The following EXOC1 variants were observed in gnomAD, a reference collection of about 807,000 sequenced individuals.
EXOC1 encodes the protein SEC3-like 1.
In EXOC1, 67 loss-of-function variants were observed where a neutral mutation model predicts 107.7. The ratio of observed to expected loss-of-function variants is 0.62; its 90% confidence interval spans 0.51 to 0.76. The LOEUF (loss-of-function observed/expected upper bound fraction) is 0.76. EXOC1 is among the 30% of genes least tolerant of loss of function. The pLI, the probability that EXOC1 is intolerant of heterozygous loss-of-function variation, is 0.00. For synonymous variants in EXOC1, 348 were observed against 353.5 expected, an observed-to-expected ratio of 0.98 and a Z score of 0.17; for missense variants, 833 against 1,055.7, an observed-to-expected ratio of 0.79 and a Z score of 2.92.
intron 15 of EXOC1, among the ~76,000 whole-genome samples, chr4:55,895,210 C>T (rs1040281824): frequency 7.9e-5 from 12 of 152,140 alleles, no homozygotes; most frequent in African/African-American, 2.2e-4. Flanking sequence ...GATCAATAGA[C>T]AGCATTTATA....
Position 55,858,356 on chromosome 4 carries a change from C to T in EXOC1, c.33C>T (p.Asp11=). ...CAATCAAGCATGCATTACAAAGAGA[C>T]ATTTTTACACCAAATGATGAACGCC... MTAIKHALQR[D]IFTPNDERLL... is the part of the protein sequence containing the mutation. Residue 11 remains aspartate (D), a synonymous_variant, in exon 2 of 19, where the codon GAC becomes GAT. Transcript: ENST00000381295. 6.2e-7 allele frequency: 1 copy of T among 1,609,164 alleles called. No homozygotes were observed. The highest frequency in any genetic ancestry group is 8.5e-7 in the Non-Finnish European group (1 of 1,177,934).
intron 10 of EXOC1, among the ~76,000 whole-genome samples, chr4:55,884,761 T>C (rs776511969): frequency 2.0e-5 from 3 of 152,204 alleles, no homozygotes; most frequent in Non-Finnish European, 2.9e-5. Context: ...CATTTGCCTG[T>C]TGAAAGGAGC....
At chr4:55,886,806 C>G (rs936835917) in intron 10 of EXOC1, among the ~76,000 whole-genome samples, 4 of 152,156 alleles carry the variant, frequency 2.6e-5, no homozygotes, top group Non-Finnish European at 4.4e-5. Context: ...AGAATGAATG[C>G]ATCTTACAAA....
At chr4:55,902,580 C>A in intron 18 of EXOC1, 42 bp downstream of exon 18, 2 of 1,388,514 alleles carry the variant, frequency 1.4e-6, no homozygotes, top group Non-Finnish European at 1.9e-6. Context: ...AAGATCCTTA[C>A]ATATATTGCT....
Position 55,888,930 on chromosome 4 carries a change from AGAGT to A in EXOC1, c.1375+3_1375+6del. The A allele has an allele frequency of 6.2e-7, 1 of 1,613,626 alleles. No homozygotes were observed. Among genetic ancestry groups the A allele is most frequent in the South Asian group, 1.1e-5 (1 of 91,070 alleles). The stretch of plus-strand genomic sequence containing the variant: ...GAAAGTGCTGTCAAACAGGAAACAG[AGAGT>A]GAGTATGCTTAGTGTATTAGTAGGT... On this transcript the variant is annotated splice_donor_variant and coding_sequence_variant, in exon 11 of 19. Transcript: ENST00000381295. LOFTEE classifies it high-confidence loss of function.
intron 4 of EXOC1, 46 bp from the exon 5 acceptor site, chr4:55,868,290 T>C (rs769373755): frequency 1.3e-6 from 2 of 1,527,226 alleles, no homozygotes; most frequent in South Asian, 2.5e-5. Context: ...GTTATAGTCT[T>C]TTCTACTTTT....
In EXOC1 at chr4:55,899,777, A is replaced by C; in HGVS notation, c.2230A>C (p.Lys744Gln). The C allele has an allele frequency of 6.2e-7, 1 of 1,613,782 alleles. No individual in the cohort carries two copies. Among genetic ancestry groups the C allele is most frequent in the South Asian group, 1.1e-5 (1 of 91,078 alleles). The part of the protein sequence containing the change: ...HHIFATLSRL[K>Q]ISCLEAEKKE... The stretch of plus-strand genomic sequence containing the variant: ...TATTTTTGCAACTCTTTCTCGATTG[A>C]AAATCTCATGTCTAGAAGCAGAAAA... The change falls in exon 17 of 19, where the codon AAA becomes CAA. Residue 744 changes from lysine to glutamine, a missense_variant. This residue lies in a region of EXOC1 where 216 missense variants were observed against 354.4 expected (regional missense o/e 0.61). Coordinates refer to ENST00000381295, the MANE Select transcript of EXOC1 (RefSeq NM_001024924.2).
At chr4:55,857,411 G>T (rs899048242) in intron 1 of EXOC1, among the ~76,000 whole-genome samples, 1 of 151,378 alleles carries the variant, frequency 6.6e-6, no homozygotes, top group African/African-American at 2.4e-5. Flanking sequence ...CTCTTGATCC[G>T]CCCGCCTCGG....
At chr4:55,899,548 A>G (rs1725650146) in intron 16 of EXOC1, 137 bp from the exon 17 acceptor site, 1 of 704,848 alleles carries the variant, frequency 1.4e-6, no homozygotes, top group Non-Finnish European at 2.3e-6. Flanking sequence ...GACTCCCATT[A>G]CAATATATTG....
intron 11 of EXOC1, among the ~76,000 whole-genome samples, chr4:55,889,692 T>G (rs980177655): frequency 1.3e-5 from 2 of 152,216 alleles, no homozygotes; most frequent in Non-Finnish European, 2.9e-5. Context: ...TTGAATCATA[T>G]GTAATTGACT....
intron 10 of EXOC1, among the ~76,000 whole-genome samples, chr4:55,887,400 T>C (rs1371340468): frequency 6.6e-6 from 1 of 152,146 alleles, no homozygotes; most frequent in Non-Finnish European, 1.5e-5. Flanking sequence ...TAACTCACTG[T>C]TATAAGTACT....
intron 16 of EXOC1, among the ~76,000 whole-genome samples, chr4:55,899,371 A>G (rs913737111): frequency 1.3e-5 from 2 of 152,146 alleles, no homozygotes; most frequent in Non-Finnish European, 2.9e-5. Flanking sequence ...TAAAGTAGGA[A>G]CTTAAATTTC....
intron 4 of EXOC1, chr4:55,867,018 A>G: frequency 5.7e-6 from 2 of 349,216 alleles, no homozygotes; most frequent in Non-Finnish European, 8.0e-6. Flanking sequence ...CTACATAGTA[A>G]TAAAATTAAT....
At chr4:55,864,099 C>T (rs551560105) in intron 3 of EXOC1, 128 bp from the exon 4 acceptor site, 3 of 620,590 alleles carry the variant, frequency 4.8e-6, no homozygotes, top group South Asian at 5.2e-5. Context: ...CTCTTCCTTT[C>T]CAGTTGCTTA....
chr4:55,893,883 CTG>C, intron 15 of EXOC1, 103 bp downstream of exon 15: 6 of 953,666 alleles, frequency 6.3e-6, no homozygotes, highest in Non-Finnish European at 9.3e-6. Context: ...GTTGGGGAAT[CTG>C]TTGTTTATGT....
chr4:55,878,088 C>T (rs1488878341), intron 9 of EXOC1, 22 bp downstream of exon 9: 3 of 1,608,876 alleles, frequency 1.9e-6, no homozygotes, highest in African/African-American at 1.3e-5. Flanking sequence ...ACGTCATTTA[C>T]TCACTGAGAA....
At chr4:55,885,670 A>G (rs1227382376) in intron 10 of EXOC1, 3 of 152,212 alleles carry the variant, frequency 2.0e-5, no homozygotes, top group African/African-American at 7.2e-5. Context: ...TGCAAGGATG[A>G]CACACTAATT....
At chr4:55,903,147 T>TA (rs10544843) in intron 18 of EXOC1, among the ~76,000 whole-genome samples, 1,271 of 98,474 alleles carry the variant, frequency 0.013, 24 homozygotes, top group African/African-American at 0.037. Flanking sequence ...GTGTCTCAAT[T>TA]AAAAAAAAAA....
At chr4:55,890,003 T>C (rs1160885726) in intron 11 of EXOC1, among the ~76,000 whole-genome samples, 1 of 152,174 alleles carries the variant, frequency 6.6e-6, no homozygotes. Flanking sequence ...TATGGATCTG[T>C]GTAGTTTCGC....
Sources: gnomAD v4.1 joint callset for allele counts (sites outside exome capture counted in the v4.1 genomes callset) on GRCh38, gnomAD v4.1.1 for gene constraint, gnomAD v4.1.1 regional missense constraint, MANE v1.5 for transcripts, NCBI Gene and HGNC (gene_info 2026-07-23, HGNC 2026-07-21) for gene names.